Variants in RFPL3 observed in about 807,000 individuals in gnomAD.
RFPL3 encodes ret finger protein like 3.
Under a neutral mutation model 8.7 loss-of-function variants are expected in RFPL3, and 8 were observed. The observed-to-expected ratio is 0.92, with a 90% confidence interval of 0.54 to 1.66. RFPL3 has a LOEUF of 1.66. RFPL3 is among the 40% of genes most tolerant of loss of function. The pLI is 0.00. For missense variants in RFPL3, 341 were observed against 395.0 expected (o/e 0.86, Z 1.16); for synonymous variants, 145 against 150.5 (o/e 0.96, Z 0.27).
chr22:32,360,322 A>G lies in RFPL3; in HGVS notation c.444A>G (p.Arg148=), dbSNP rs770504200. ...TTTCTGACGACCTCAGGAGCGTCCG[A>G]AGTGGGCTCATCACACAGAATCGGC... ...LLISDDLRSV[R]SGLITQNRQD... Residue 148 remains arginine, a synonymous_variant, in exon 2 of 2, where the codon CGA becomes CGG. Transcript: ENST00000249007. 1.2e-6 allele frequency: 2 copies of G among 1,613,920 alleles called. No individual in the cohort carries two copies. The highest frequency in any genetic ancestry group is 1.7e-6 in the Non-Finnish European group (2 of 1,179,868).
At position 32,360,319 on chromosome 22, in the gene RFPL3, C is replaced by A; in HGVS notation, c.441C>A (p.Val147=). 3.1e-6 allele frequency: 5 copies of A among 1,613,952 alleles called. No individual in the cohort carries two copies. Among genetic ancestry groups the A allele is most frequent in the Non-Finnish European group, 4.2e-6 (5 of 1,179,870 alleles). Residue 147 remains valine, a synonymous_variant, in exon 2 of 2, where the codon GTC becomes GTA. Coordinates refer to ENST00000249007, the MANE Select transcript of RFPL3 (RefSeq NM_001098535.1). ...FLLISDDLRS[V]RSGLITQNRQ... ...TCATTTCTGACGACCTCAGGAGCGT[C>A]CGAAGTGGGCTCATCACACAGAATC... is the stretch of plus-strand genomic sequence containing the variant.
At position 32,358,394 on chromosome 22, in the gene RFPL3, C is replaced by T. The variant is rs767081226; in HGVS notation, c.323C>T (p.Pro108Leu). ...RLVSHIKELE[P>L]KLKKILQMNP... ...GTTTCCCACATCAAGGAACTGGAGC[C>T]CAAGCTGAAGAAGATTCTACAGATG... Residue 108 changes from proline (P) to leucine (L), a missense_variant, in exon 1 of 2, where the codon CCC becomes CTC. Pro to Leu is a moderately conservative substitution (Grantham distance 98, BLOSUM62 -3). Transcript: ENST00000249007. 1.1e-5 allele frequency: 18 copies of T among 1,613,972 alleles called. No individual in the cohort carries two copies. The highest frequency in any genetic ancestry group is 1.4e-5 in the Non-Finnish European group (17 of 1,179,938).
intron 1 of RFPL3, among the ~76,000 whole-genome samples, chr22:32,359,264 C>T (rs1292395214): frequency 6.6e-6 from 1 of 152,130 alleles, no homozygotes; most frequent in Non-Finnish European, 1.5e-5. Context: ...ATGTTTGGAA[C>T]CCTCTTCCTC....
In RFPL3 at chr22:32,360,940, C is replaced by A; in HGVS notation, c.*108C>A. ...ACAGTCATAGGAGAAAGATATGGGA[C>A]ATTTCTATAATCTATATTCTAATTT... On this transcript the variant is annotated 3_prime_UTR_variant, in exon 2 of 2. Coordinates refer to ENST00000249007, the MANE Select transcript of RFPL3 (RefSeq NM_001098535.1). 1.9e-6 allele frequency: 2 copies of A among 1,075,342 alleles called. No homozygotes were observed. The highest frequency in any genetic ancestry group is 2.6e-5 in the East Asian group (1 of 38,736). The allele number at this position is 1,075,342 out of a possible 1,614,324, so 66.6% of individuals were successfully genotyped here.
chr22:32,357,757 G>T (rs1039497456), upstream of RFPL3: 15 of 836,040 alleles, frequency 1.8e-5, 1 homozygote, highest in Non-Finnish European at 2.2e-5. Flanking sequence ...ATGAGCCATC[G>T]TGCCCAGCCT....
upstream of RFPL3, among the ~76,000 whole-genome samples, chr22:32,356,486 G>A (rs771340382): frequency 2.0e-5 from 3 of 152,148 alleles, no homozygotes; most frequent in Non-Finnish European, 4.4e-5. Flanking sequence ...AGAACCCAGG[G>A]TGAGTGTCAA....
chr22:32,360,024 CGTAAA>C (rs1932761882), intron 1 of RFPL3: 1 of 575,272 alleles, frequency 1.7e-6, no homozygotes, highest in Admixed American at 3.5e-5. Flanking sequence ...AAACACGTGA[CGTAAA>C]GTAAAATAAG....
Position 32,358,475 on chromosome 22 carries a change from C to A in RFPL3, c.373+31C>A, listed in dbSNP as rs1288738591. ...GAATCTGTATACCCTGCCCCCTTCC[C>A]AAGACCAGACCAGGAAAAATCATCT... On this transcript the variant is annotated intron_variant, in intron 1 of 1. Coordinates refer to ENST00000249007, the MANE Select transcript of RFPL3 (RefSeq NM_001098535.1). 6.3e-6 allele frequency: 10 copies of A among 1,584,446 alleles called. No individual in the cohort carries two copies. In the South Asian group the frequency reaches 1.2e-4, roughly 19 times the overall value.
upstream of RFPL3, among the ~76,000 whole-genome samples, chr22:32,357,623 C>T (rs1446511200): frequency 2.6e-5 from 4 of 152,192 alleles, no homozygotes; most frequent in Non-Finnish European, 2.9e-5. Flanking sequence ...TGTGCCACCA[C>T]GCCTGGCTAA....
chr22:32,355,050 G>C (rs559034874), upstream of RFPL3, among the ~76,000 whole-genome samples: 1 of 151,986 alleles, frequency 6.6e-6, no homozygotes, highest in African/African-American at 2.4e-5. Context: ...TGACGCAGGA[G>C]AGCTTGGAAT....
Position 32,358,268 on chromosome 22 carries a change from C to G in RFPL3, c.197C>G (p.Ser66Trp), listed in dbSNP as rs370716010. ...ACCGTCTGCCTCAAGTGCATCAATT[C>G]GCTGCAGAAGGAGCCCCATGGGGAG... ...GCTVCLKCIN[S>W]LQKEPHGEDL... is the part of the protein sequence containing the mutation. Residue 66 changes from serine (S) to tryptophan (W), a missense_variant, in exon 1 of 2, where the codon TCG becomes TGG. Ser to Trp is a radical substitution (Grantham distance 177). Coordinates refer to ENST00000249007, the MANE Select transcript of RFPL3 (RefSeq NM_001098535.1). 6 of 1,613,834 alleles carry G rather than the reference C, an allele frequency of 3.7e-6. No individual in the cohort carries two copies. Among genetic ancestry groups the G allele is most frequent in the Non-Finnish European group, 5.1e-6 (6 of 1,179,882 alleles).
At chr22:32,355,200 T>G (rs538862411), upstream of RFPL3, among the ~76,000 whole-genome samples, 13 of 152,288 alleles carry the variant, frequency 8.5e-5, no homozygotes, top group Admixed American at 2.6e-4. Context: ...TGATTGGTTG[T>G]CCTAAGACTT....
chr22:32,356,301 T>C (rs28524944), upstream of RFPL3, among the ~76,000 whole-genome samples: 3,206 of 152,064 alleles, frequency 0.021, 93 homozygotes, highest in African/African-American at 0.068. Context: ...TAGTCAGCAA[T>C]TGGGGGCCAA....
In RFPL3 at chr22:32,360,748, T is replaced by C. The variant is rs760397911; in HGVS notation, c.870T>C (p.Asn290=). Residue 290 remains asparagine, a synonymous_variant, in exon 2 of 2, where the codon AAT becomes AAC. Coordinates refer to ENST00000249007, the MANE Select transcript of RFPL3 (RefSeq NM_001098535.1). ...TTTTGGCTCCTTCAATTCCACCTAA[T>C]GGTGATCAAGGTGTCTTGAGCATCT... is the stretch of plus-strand genomic sequence containing the variant. The part of the protein sequence containing the change: ...RPFLAPSIPP[N]GDQGVLSICP... The C allele has an allele frequency of 1.2e-5, 20 of 1,613,582 alleles. No individual in the cohort carries two copies. The highest frequency in any genetic ancestry group is 1.7e-4 in the Middle Eastern group (1 of 6,056).
upstream of RFPL3, among the ~76,000 whole-genome samples, chr22:32,356,109 T>C (rs1932659775): frequency 6.6e-6 from 1 of 152,114 alleles, no homozygotes; most frequent in South Asian, 2.1e-4. Context: ...ACAGCCTGGC[T>C]CTCAGGGCTG....
At chr22:32,356,222 G>C (rs1932663115), upstream of RFPL3, among the ~76,000 whole-genome samples, 1 of 152,092 alleles carries the variant, frequency 6.6e-6, no homozygotes, top group Admixed American at 6.5e-5. Context: ...GGTGGGTAGA[G>C]GGTCTTGACT....
Position 32,360,657 on chromosome 22 carries a change from A to G in RFPL3, c.779A>G (p.Asp260Gly). 1.2e-6 allele frequency: 2 copies of G among 1,613,200 alleles called. No homozygotes were observed. The highest frequency in any genetic ancestry group is 8.5e-7 in the Non-Finnish European group (1 of 1,179,638). ...DMGMQNVSFF[D>G]AESGSHVYTF... Reference sequence around the variant, plus strand: ...GGCATGCAGAACGTTTCCTTTTTTGATGCTGAAAGTGGTTCCCATGTCTAT... The same window carrying G: ...GGCATGCAGAACGTTTCCTTTTTTGGTGCTGAAAGTGGTTCCCATGTCTAT... Residue 260 changes from aspartate to glycine, a missense_variant, in exon 2 of 2, where the codon GAT becomes GGT. Physicochemically the swap from Asp to Gly is moderately conservative, Grantham distance 94 (BLOSUM62 -1). Transcript: ENST00000249007.
At chr22:32,357,472 C>CCTTT (rs543220133), upstream of RFPL3, among the ~76,000 whole-genome samples, 4 of 145,122 alleles carry the variant, frequency 2.8e-5, no homozygotes, top group South Asian at 2.2e-4. Context: ...ATCCAGCCCC[C>CCTTT]TTTTTTTTTT....
upstream of RFPL3, chr22:32,357,066 G>T: frequency 2.7e-6 from 1 of 365,288 alleles, no homozygotes; most frequent in South Asian, 2.2e-5. Context: ...ATGAAGAGGG[G>T]TCAGGCCCCC....
Sources: allele counts gnomAD v4.1 joint callset (sites outside exome capture counted in the v4.1 genomes callset), GRCh38; gene constraint gnomAD v4.1.1; transcripts MANE v1.5; gene names NCBI Gene and HGNC (gene_info 2026-07-23, HGNC 2026-07-21).